AK9: variants seen among roughly 807,000 people sequenced by gnomAD.
The protein encoded by AK9 is adenylate kinase domain containing 1.
AK9 carries 191 observed loss-of-function variants against 239.6 expected under a neutral mutation model. The observed-to-expected ratio is 0.80, with a 90% CI of 0.71 to 0.90. The LOEUF is 0.90. AK9 is among the 40% of genes least tolerant of loss of function. The pLI is 0.00. For synonymous variants in AK9, 689 were observed against 721.0 expected, an observed-to-expected ratio of 0.96 and a Z score of 0.71; for missense variants, 1,995 against 2,214.7, an observed-to-expected ratio of 0.90 and a Z score of 1.99.
rs778572766 is a variant in AK9, at chr6:109,671,944, G to T, written c.306C>A (p.Leu102=). 2 of 1,613,934 alleles carry T rather than the reference G, an allele frequency of 1.2e-6. No homozygotes were observed. The highest frequency in any genetic ancestry group is 2.2e-5 in the East Asian group (1 of 44,840). The change falls in exon 5 of 41, where the codon CTC becomes CTA. Residue 102 remains leucine (L), a synonymous_variant. Transcript: ENST00000424296. ...ELVIKLMLEK[L]NSPEVCHFGY... is the part of the protein sequence containing the mutation. ...CAAAGTGACAGACTTCTGGGGAGTT[G>T]AGCTTCTCCAACATTAGCTTTATGA...
chr6:109,554,529 T>C (rs1375343849), intron 24 of AK9, among the ~76,000 whole-genome samples: 2 of 129,234 alleles, frequency 1.5e-5, no homozygotes, highest in Non-Finnish European at 1.6e-5. Context: ...TCTTTTCTTT[T>C]TTTTTTTTTT....
intron 1 of AK9, among the ~76,000 whole-genome samples, chr6:109,679,671 C>T (rs1158791019): frequency 6.6e-6 from 1 of 152,182 alleles, no homozygotes; most frequent in Non-Finnish European, 1.5e-5. Flanking sequence ...AGACACCTCC[C>T]AGCAGGGGCC....
chr6:109,636,564 C>T (rs1796732323), intron 10 of AK9, among the ~76,000 whole-genome samples: 1 of 151,256 alleles, frequency 6.6e-6, no homozygotes, highest in Non-Finnish European at 1.5e-5. Flanking sequence ...CTCTCCTTCC[C>T]CCCAGCCCCT....
intron 27 of AK9, among the ~76,000 whole-genome samples, chr6:109,539,896 C>T (rs1381077948): frequency 6.6e-6 from 1 of 152,166 alleles, no homozygotes; most frequent in Non-Finnish European, 1.5e-5. Flanking sequence ...TGGGTATCAG[C>T]AGTGGAGGCT....
chr6:109,504,732 C>A (rs1298959895), intron 35 of AK9, among the ~76,000 whole-genome samples: 1 of 152,160 alleles, frequency 6.6e-6, no homozygotes, highest in Admixed American at 6.5e-5. Flanking sequence ...TTGCTTGAAC[C>A]CGGGAAGGGG....
intron 1 of AK9, among the ~76,000 whole-genome samples, chr6:109,679,643 C>T (rs2128348891): frequency 6.6e-6 from 1 of 152,256 alleles, no homozygotes; most frequent in South Asian, 2.1e-4. Flanking sequence ...TCCCTGACCC[C>T]CATGTCTCCT....
At chr6:109,605,449 C>T (rs1209260005) in intron 17 of AK9, among the ~76,000 whole-genome samples, 2 of 151,056 alleles carry the variant, frequency 1.3e-5, no homozygotes, top group Non-Finnish European at 2.9e-5. Context: ...ATTTTTTTTT[C>T]ATCCCCACTC....
chr6:109,499,570 T>C (rs1777394793), intron 35 of AK9, among the ~76,000 whole-genome samples: 1 of 152,192 alleles, frequency 6.6e-6, no homozygotes, highest in Non-Finnish European at 1.5e-5. Flanking sequence ...TTATGGTCTT[T>C]GACCTCTTTT....
intron 12 of AK9, among the ~76,000 whole-genome samples, chr6:109,620,832 T>C (rs998237622): frequency 6.6e-6 from 1 of 151,192 alleles, no homozygotes; most frequent in Non-Finnish European, 1.5e-5. Context: ...ATATACACCA[T>C]ATACTATATA....
intron 1 of AK9, among the ~76,000 whole-genome samples, chr6:109,683,243 G>A (rs567051742): frequency 9.2e-5 from 14 of 152,180 alleles, no homozygotes; most frequent in Admixed American, 5.2e-4. Context: ...TCAATGGAAC[G>A]TATCTCAAAA....
chr6:109,508,156 A>G (rs772092740), intron 33 of AK9, among the ~76,000 whole-genome samples: 18 of 152,324 alleles, frequency 1.2e-4, no homozygotes, highest in Admixed American at 5.9e-4. Context: ...GTCTCTAGGC[A>G]CTGGCCTACA....
chr6:109,608,878 C>A (rs1417904802), intron 17 of AK9, among the ~76,000 whole-genome samples: 1 of 152,012 alleles, frequency 6.6e-6, no homozygotes, highest in Non-Finnish European at 1.5e-5. Context: ...AACAAAACCC[C>A]CCAAACCCCA....
At chr6:109,609,038 T>C (rs1793265360) in intron 17 of AK9, among the ~76,000 whole-genome samples, 1 of 152,188 alleles carries the variant, frequency 6.6e-6, no homozygotes, top group Non-Finnish European at 1.5e-5. Flanking sequence ...TTTTGAGAAA[T>C]GACAACCTGA....
intron 31 of AK9, among the ~76,000 whole-genome samples, chr6:109,514,694 G>C (rs1029813056): frequency 6.6e-6 from 1 of 152,146 alleles, no homozygotes; most frequent in African/African-American, 2.4e-5. Flanking sequence ...TTCATTTATA[G>C]TGTGTTTAGT....
At chr6:109,612,156 A>G (rs892354558) in intron 15 of AK9, 63 bp from the exon 16 acceptor site, 5 of 1,125,358 alleles carry the variant, frequency 4.4e-6, no homozygotes, top group African/African-American at 1.6e-5. Flanking sequence ...GTGATTCCCA[A>G]GGAAGATTGT....
At chr6:109,651,197 G>A (rs200037595) in intron 8 of AK9, among the ~76,000 whole-genome samples, 25 of 151,702 alleles carry the variant, frequency 1.6e-4, no homozygotes, top group Admixed American at 3.3e-4. Flanking sequence ...AAACCTGCAC[G>A]TTGTGCACAT....
In AK9 at chr6:109,563,579, G is replaced by T; in HGVS notation, c.2751+18C>A. The stretch of plus-strand genomic sequence containing the variant: ...ATGACTTCACAAATGAGAATGAGTA[G>T]AAATAAAAGAATCATGCCTCTTCCT... On this transcript the variant is annotated intron_variant, in intron 24 of 40. Coordinates refer to ENST00000424296, the MANE Select transcript of AK9 (RefSeq NM_001145128.3). 1 of 1,548,090 alleles carries T rather than the reference G, an allele frequency of 6.5e-7. No individual in the cohort carries two copies. The highest frequency in any genetic ancestry group is 8.7e-7 in the Non-Finnish European group (1 of 1,146,436).
intron 26 of AK9, among the ~76,000 whole-genome samples, chr6:109,544,256 C>A (rs1306061309): frequency 6.6e-6 from 1 of 152,170 alleles, no homozygotes; most frequent in Non-Finnish European, 1.5e-5. Flanking sequence ...AATGGCCTAT[C>A]TATATCAGAA....
At chr6:109,613,369 A>C (rs1296101011) in intron 15 of AK9, among the ~76,000 whole-genome samples, 5 of 151,956 alleles carry the variant, frequency 3.3e-5, no homozygotes, top group Non-Finnish European at 7.4e-5. Flanking sequence ...TAGTCACCTC[A>C]AAAAAGAAGA....
Sources: allele counts gnomAD v4.1 joint callset (sites outside exome capture counted in the v4.1 genomes callset), GRCh38; gene constraint gnomAD v4.1.1; transcripts MANE v1.5; gene names NCBI Gene and HGNC (gene_info 2026-07-23, HGNC 2026-07-21).